USH2A: variants seen among roughly 807,000 people sequenced by gnomAD.
The protein encoded by USH2A is usherin.
Under a neutral mutation model 538.9 loss-of-function variants are expected in USH2A, and 443 were observed. That is an observed-to-expected ratio of 0.82 (90% confidence interval 0.76 to 0.89). The LOEUF (loss-of-function observed/expected upper bound fraction) is 0.89. USH2A is among the 40% of genes least tolerant of loss of function. USH2A has a pLI of 0.00. For missense variants in USH2A, 6,633 were observed against 6,324.8 expected (o/e 1.05, Z -1.65); for synonymous variants, 2,413 against 2,273.5 (o/e 1.06, Z -1.75).
chr1:215,746,167 G>C (rs182758762), intron 58 of USH2A, among the ~76,000 whole-genome samples: 3 of 152,158 alleles, frequency 2.0e-5, no homozygotes, highest in Admixed American at 6.5e-5. Flanking sequence ...CCATGTCTGC[G>C]TGGTTTCTTT....
Position 216,078,333 on chromosome 1 carries a change from G to A in USH2A, c.5328C>T (p.Phe1776=). Residue 1776 remains phenylalanine, a synonymous_variant, in exon 27 of 72, where the codon TTC becomes TTT. Transcript: ENST00000307340. ...AMELKSGILT[F]RLNTSLAFTQ... is the part of the protein sequence containing the mutation. ...TAAAGGCAAGACTGGTATTTAACCG[G>A]AAGGTCAATATTCCACTTTTCAGCT... 1 of 1,613,686 alleles carries A rather than the reference G, an allele frequency of 6.2e-7. No individual in the cohort carries two copies. Among genetic ancestry groups the A allele is most frequent in the African/African-American group, 1.3e-5 (1 of 75,006 alleles).
At chr1:216,199,209 C>T (rs980972233) in intron 17 of USH2A, among the ~76,000 whole-genome samples, 1 of 152,122 alleles carries the variant, frequency 6.6e-6, no homozygotes, top group Non-Finnish European at 1.5e-5. Flanking sequence ...TTAATGGAGT[C>T]AGTTAGCTTA....
intron 21 of USH2A, among the ~76,000 whole-genome samples, chr1:216,148,082 C>T (rs2033749724): frequency 6.6e-6 from 1 of 151,862 alleles, no homozygotes; most frequent in Admixed American, 6.6e-5. Context: ...TCGGGTAACT[C>T]TCACAATGGA....
rs763708135 is a variant in USH2A at position 215,845,843 on chromosome 1, A to C, written c.9036T>G (p.His3012Gln). The change falls in exon 45 of 72, where the codon CAT becomes CAG. Residue 3012 changes from histidine to glutamine, a missense_variant. Coordinates refer to ENST00000307340, the MANE Select transcript of USH2A (RefSeq NM_206933.4). Reference protein sequence around the residue: ...GVHSINSAGLHATTCDGEPQG... With the variant: ...GVHSINSAGLQATTCDGEPQG... ...ACTCACCCCCATCGCAAGTGGTTGC[A>C]TGAAGTCCTGCACTGTTGATGCTGT... 2 of 1,613,834 alleles carry C rather than the reference A, an allele frequency of 1.2e-6. No individual in the cohort carries two copies. The highest frequency in any genetic ancestry group is 4.5e-5 in the East Asian group (2 of 44,870).
chr1:215,916,146 C>T (rs1347569434), intron 38 of USH2A, among the ~76,000 whole-genome samples: 1 of 151,440 alleles, frequency 6.6e-6, no homozygotes, highest in Non-Finnish European at 1.5e-5. Flanking sequence ...GTGTAACAAA[C>T]CTGCACATTG....
intron 44 of USH2A, among the ~76,000 whole-genome samples, chr1:215,861,838 C>CTTTTTTTTTTTTTTTTTT (rs11461966): frequency 9.1e-6 from 1 of 110,340 alleles, no homozygotes; most frequent in South Asian, 3.1e-4. Flanking sequence ...GTAGTTTTCG[C>CTTTTTTTTTTTTTTTTTT]TTTTTTTTTT....
rs561514154 is a variant in USH2A, at chr1:216,005,699, G to A, written c.6326-5137C>T. Among the ~76,000 whole-genome samples the A allele has an allele frequency of 5.9e-5, 9 of 152,016 alleles. No individual in the cohort carries two copies. In the South Asian group the frequency reaches 8.3e-4, roughly 14 times the overall value. ...ACAAAGGAGATTTACCATTAAATAC[G>A]AGAAAAAGGCAAAGCTGTACCTGTC... On this transcript the variant is annotated intron_variant, in intron 32 of 71. Coordinates refer to ENST00000307340, the MANE Select transcript of USH2A (RefSeq NM_206933.4).
chr1:216,039,445 GAGAC>G (rs2030163230), intron 32 of USH2A, among the ~76,000 whole-genome samples: 5 of 151,936 alleles, frequency 3.3e-5, no homozygotes, highest in Admixed American at 3.3e-4. Context: ...ACTCATGGAT[GAGAC>G]CGTCATCTTA....
At chr1:216,348,144 C>G (rs1381457981) in intron 4 of USH2A, among the ~76,000 whole-genome samples, 1 of 152,100 alleles carries the variant, frequency 6.6e-6, no homozygotes, top group Admixed American at 6.6e-5. Context: ...TTGATTCTAC[C>G]TAATTTCTTC....
At chr1:215,781,858 A>C (rs1262976989) in intron 54 of USH2A, among the ~76,000 whole-genome samples, 184 bp downstream of exon 54, 4 of 152,186 alleles carry the variant, frequency 2.6e-5, no homozygotes, top group Non-Finnish European at 5.9e-5. Flanking sequence ...ATCTCCCTTG[A>C]AATGATCTCT....
At chr1:216,088,384 C>T (rs575675715) in intron 23 of USH2A, among the ~76,000 whole-genome samples, 1 of 152,216 alleles carries the variant, frequency 6.6e-6, no homozygotes, top group East Asian at 1.9e-4. Flanking sequence ...GTAAGTTTTA[C>T]AGTATTCTCT....
intron 21 of USH2A, 57 bp downstream of exon 21, chr1:216,175,195 T>A: frequency 1.2e-6 from 2 of 1,608,250 alleles, no homozygotes. Flanking sequence ...TATGAAAATA[T>A]AGAAAACATT....
At position 215,634,490 on chromosome 1, in the gene USH2A, A is replaced by G. The variant is rs1390088766; in HGVS notation, c.15266T>C (p.Leu5089Ser). ...LVPLQKRMSP[L>S]NVYPPGENHM... ...GTTTTCCCCCGGTGGGTAAACATTC[A>G]ATGGAGACATCCTCTTCTGAAGAGG... Residue 5089 changes from leucine (L) to serine (S), a missense_variant, in exon 70 of 72, where the codon TTG becomes TCG. Transcript: ENST00000307340. The G allele has an allele frequency of 1.9e-6, 3 of 1,614,216 alleles. No homozygotes were observed. The Admixed American group carries it at 5.0e-5, about 27-fold the overall frequency.
At chr1:216,034,896 A>T (rs923652976) in intron 32 of USH2A, among the ~76,000 whole-genome samples, 2 of 152,198 alleles carry the variant, frequency 1.3e-5, no homozygotes, top group African/African-American at 4.8e-5. Flanking sequence ...GTATTGTATT[A>T]AGCAGCACTA....
intron 37 of USH2A, among the ~76,000 whole-genome samples, chr1:215,955,982 A>T (rs528921414): frequency 3.9e-5 from 6 of 152,294 alleles, no homozygotes; most frequent in East Asian, 3.9e-4. Context: ...TCCTTGCTGT[A>T]GGGTGTGTCT....
At chr1:216,114,042 A>C (rs1159610826) in intron 21 of USH2A, among the ~76,000 whole-genome samples, 1 of 151,270 alleles carries the variant, frequency 6.6e-6, no homozygotes, top group Non-Finnish European at 1.5e-5. Context: ...CAACTAATTC[A>C]CTCTTTTGTA....
At chr1:216,175,037 TC>T in intron 21 of USH2A, 1 of 1,394,134 alleles carries the variant, frequency 7.2e-7, no homozygotes, top group African/African-American at 1.4e-5. Flanking sequence ...TTCATCTTCA[TC>T]TTTTATTTTT....
rs2102655989 is a variant in USH2A, at chr1:216,325,458, A to G, written c.990T>C (p.Asn330=). The G allele has an allele frequency of 6.2e-7, 1 of 1,613,912 alleles. No individual in the cohort carries two copies. ...CTTCAGGATTCAACCGTGACACTCT[A>G]TTATCAGCTGTGTCTCCTGCATCAT... ...IPNDAGDTAD[N]RVSRLNPEAH... The change falls in exon 6 of 72, where the codon AAT becomes AAC. Residue 330 remains asparagine (N), a synonymous_variant. Coordinates refer to ENST00000307340, the MANE Select transcript of USH2A (RefSeq NM_206933.4).
chr1:216,024,563 A>T (rs1267222790), intron 32 of USH2A, among the ~76,000 whole-genome samples: 3 of 152,114 alleles, frequency 2.0e-5, no homozygotes, highest in Non-Finnish European at 4.4e-5. Flanking sequence ...AAATTCCAGT[A>T]TAGATTTTTT....
Sources: gnomAD v4.1 joint callset for allele counts (sites outside exome capture counted in the v4.1 genomes callset) on GRCh38, gnomAD v4.1.1 for gene constraint, MANE v1.5 for transcripts, NCBI Gene and HGNC (gene_info 2026-07-23, HGNC 2026-07-21) for gene names.